AMY2B: variants seen among roughly 807,000 people sequenced by gnomAD.
AMY2B encodes alpha-amylase 2B.
Under a neutral mutation model 59.3 loss-of-function variants are expected in AMY2B, and 63 were observed. The ratio of observed to expected loss-of-function variants is 1.06; its 90% CI spans 0.87 to 1.31. The LOEUF is 1.31. Ranked by LOEUF, AMY2B falls within the 50% of genes most tolerant of loss-of-function variation. The probability of loss-of-function intolerance (pLI) is 0.00; values close to 1 mark genes in which losing one functional copy is unlikely to be tolerated. For synonymous variants in AMY2B, 180 were observed against 198.1 expected (o/e 0.91, Z 0.77); for missense variants, 635 against 626.7 (o/e 1.01, Z -0.14).
intron 1 of AMY2B, among the ~76,000 whole-genome samples, chr1:103,556,603 G>A (rs1444703531): frequency 6.6e-6 from 1 of 151,772 alleles, no homozygotes; most frequent in Non-Finnish European, 1.5e-5. Context: ...TAGTATAATA[G>A]TACTAAGTAT....
At chr1:103,570,439 C>A, upstream of AMY2B, 1 of 835,910 alleles carries the variant, frequency 1.2e-6, no homozygotes, top group Non-Finnish European at 2.0e-6. Context: ...TAGGCCAACA[C>A]GGTGCTATCT....
intron 3 of AMY2B, 61 bp downstream of exon 3, chr1:103,573,321 T>C: frequency 6.2e-7 from 1 of 1,607,234 alleles, no homozygotes; most frequent in Non-Finnish European, 8.5e-7. Context: ...CTTGTAGACA[T>C]GTAGCTAATT....
chr1:103,573,896 T>C lies in AMY2B; in HGVS notation c.702T>C (p.Ser234=), dbSNP rs772829409. ...AILDKLHNLN[S]NWFPAGSKPF... ...TGGACAAACTGCATAATCTAAACAG[T>C]AACTGGTTCCCTGCAGGAAGTAAAC... is the stretch of plus-strand genomic sequence containing the variant. Residue 234 remains serine (S), a synonymous_variant, in exon 4 of 10, where the codon AGT becomes AGC. Coordinates refer to ENST00000684275, the MANE Select transcript of AMY2B (RefSeq NM_001387437.1). The C allele has an allele frequency of 1.5e-5, 25 of 1,613,862 alleles. No homozygotes were observed. The South Asian group carries it at 1.9e-4, about 12-fold the overall frequency.
rs777664095 is a variant in AMY2B, at chr1:103,573,092, T to A, written c.345T>A (p.Asn115Lys). 4 of 1,613,790 alleles carry A rather than the reference T, an allele frequency of 2.5e-6. No individual in the cohort carries two copies. The East Asian group carries it at 8.9e-5, about 36-fold the overall frequency. Residue 115 changes from asparagine to lysine, a missense_variant, in exon 3 of 10, where the codon AAT (asparagine) becomes AAA (lysine). Transcript: ENST00000684275. Reference protein sequence around the residue: ...GVRIYVDAVINHMSGNAVSAG... With the variant: ...GVRIYVDAVIKHMSGNAVSAG... ...GTATTTATGTGGATGCTGTAATTAA[T>A]CATATGTCTGGTAATGCTGTGAGTG... is the stretch of plus-strand genomic sequence containing the variant.
intron 2 of AMY2B, chr1:103,565,694 C>A (rs1651887612): frequency 6.6e-6 from 1 of 152,174 alleles, no homozygotes; most frequent in African/African-American, 2.4e-5. Flanking sequence ...TTGCTGATAT[C>A]CCATCGGATA....
chr1:103,572,872 T>C (rs1337476624), intron 2 of AMY2B, among the ~76,000 whole-genome samples, 191 bp from the exon 3 acceptor site: 2 of 152,208 alleles, frequency 1.3e-5, no homozygotes, highest in Non-Finnish European at 2.9e-5. Context: ...TTTGACCAAG[T>C]GTCTAGAAGG....
upstream of AMY2B, chr1:103,569,433 T>G (rs1487872914): frequency 4.4e-6 from 1 of 226,156 alleles, no homozygotes; most frequent in Non-Finnish European, 8.9e-6. Flanking sequence ...TGTGTGTGTG[T>G]ACACTGCCAG....
chr1:103,571,391 A>C (rs1570645071), upstream of AMY2B: 1 of 1,193,586 alleles, frequency 8.4e-7, no homozygotes, highest in African/African-American at 1.5e-5. Context: ...AACCAAAAAA[A>C]CATTAATTTC....
intron 1 of AMY2B, among the ~76,000 whole-genome samples, chr1:103,555,704 C>A (rs1651525916): frequency 6.6e-6 from 1 of 151,922 alleles, no homozygotes; most frequent in Admixed American, 6.6e-5. Flanking sequence ...TAAGGGTATT[C>A]AAGAGAATTT....
At chr1:103,555,432 T>C (rs1004465651) in intron 1 of AMY2B, among the ~76,000 whole-genome samples, 20 of 152,098 alleles carry the variant, frequency 1.3e-4, no homozygotes, top group Non-Finnish European at 2.8e-4. Context: ...TTTATATTTG[T>C]CTGGCTTTGA....
At chr1:103,570,306 T>G, upstream of AMY2B, 2 of 610,144 alleles carry the variant, frequency 3.3e-6, no homozygotes, top group Non-Finnish European at 6.4e-6. Context: ...CCATCGGCAA[T>G]GAGGTTGCAG....
chr1:103,562,381 C>G (rs976751344), intron 1 of AMY2B, among the ~76,000 whole-genome samples: 2 of 152,118 alleles, frequency 1.3e-5, no homozygotes, highest in African/African-American at 4.8e-5. Flanking sequence ...ATCCTGAGTT[C>G]AGGTTTATTT....
intron 1 of AMY2B, among the ~76,000 whole-genome samples, chr1:103,557,490 A>G (rs868739648): frequency 6.6e-6 from 1 of 151,952 alleles, no homozygotes; most frequent in Non-Finnish European, 1.5e-5. Flanking sequence ...CGTCTCTACT[A>G]AAAATACAAA....
chr1:103,558,019 T>A (rs952087743), intron 1 of AMY2B, among the ~76,000 whole-genome samples: 2 of 152,316 alleles, frequency 1.3e-5, no homozygotes, highest in South Asian at 2.1e-4. Flanking sequence ...AAAATTCTTT[T>A]ATTTTTCCTG....
intron 1 of AMY2B, chr1:103,564,994 C>T (rs570733556): frequency 2.0e-5 from 3 of 152,212 alleles, no homozygotes; most frequent in East Asian, 3.9e-4. Context: ...TCTCTATTCT[C>T]TTATATCTGA....
intron 2 of AMY2B, among the ~76,000 whole-genome samples, chr1:103,565,765 A>G (rs975031617): frequency 6.6e-6 from 1 of 152,196 alleles, no homozygotes; most frequent in African/African-American, 2.4e-5. Context: ...AGGTATGGAT[A>G]CTGGGAAGTG....
intron 2 of AMY2B, among the ~76,000 whole-genome samples, chr1:103,566,359 T>C (rs145870634): frequency 1.3e-5 from 2 of 152,260 alleles, no homozygotes; most frequent in East Asian, 3.9e-4. Context: ...CTAATACAAA[T>C]AGAATGTAAA....
intron 1 of AMY2B, among the ~76,000 whole-genome samples, chr1:103,561,352 C>G (rs1325579287): frequency 1.3e-5 from 2 of 152,088 alleles, no homozygotes; most frequent in Non-Finnish European, 2.9e-5. Context: ...ACTGCAACCT[C>G]CACCTCCTGG....
intron 1 of AMY2B, among the ~76,000 whole-genome samples, chr1:103,562,432 T>G (rs1193048197): frequency 6.6e-6 from 1 of 152,132 alleles, no homozygotes; most frequent in Non-Finnish European, 1.5e-5. Flanking sequence ...AGAAAACTGT[T>G]GGGGGAAGGG....
Sources: allele counts gnomAD v4.1 joint callset (sites outside exome capture counted in the v4.1 genomes callset), GRCh38; gene constraint gnomAD v4.1.1; transcripts MANE v1.5; gene names NCBI Gene and HGNC (gene_info 2026-07-23, HGNC 2026-07-21).